The following FREM3 variants were observed in gnomAD, a reference collection of about 807,000 sequenced individuals.
FREM3 encodes the protein FRAS1-related extracellular matrix protein 3.
In FREM3, 105 loss-of-function variants were observed where a neutral mutation model predicts 129.1. That is an observed-to-expected ratio of 0.81 (90% confidence interval 0.69 to 0.96). The LOEUF is 0.96. Among genes scored for constraint, FREM3 ranks in the 40% least tolerant of loss-of-function variants. The probability of loss-of-function intolerance (pLI) is 0.00; values close to 1 mark genes in which losing one functional copy is unlikely to be tolerated. For synonymous variants in FREM3, 1,014 were observed against 1,044.9 expected, an observed-to-expected ratio of 0.97 and a Z score of 0.57; for missense variants, 2,593 against 2,666.3, an observed-to-expected ratio of 0.97 and a Z score of 0.61.
At chr4:143,688,880 A>G (rs573074636) in intron 2 of FREM3, among the ~76,000 whole-genome samples, 49 of 152,340 alleles carry the variant, frequency 3.2e-4, no homozygotes, top group African/African-American at 1.2e-3. Flanking sequence ...CCAACTCAAG[A>G]TGGATTAAGG....
At position 143,697,001 on chromosome 4, in the gene FREM3, T is replaced by A; in HGVS notation, c.3675A>T (p.Pro1225=). ...LLNGADADLP[P]NELHFQLTAL... ...CTGTGAGTTGAAAGTGGAGCTCATT[T>A]GGTGGCAGGTCAGCATCTGCTCCAT... The change falls in exon 1 of 8, where the codon CCA becomes CCT. Residue 1225 remains proline, a synonymous_variant. Coordinates refer to ENST00000329798, the MANE Select transcript of FREM3 (RefSeq NM_001168235.2). 1 of 1,537,674 alleles carries A rather than the reference T, an allele frequency of 6.5e-7. No individual in the cohort carries two copies. The highest frequency in any genetic ancestry group is 1.2e-5 in the South Asian group (1 of 84,062).
chr4:143,601,449 C>A (rs1738570598), intron 6 of FREM3, among the ~76,000 whole-genome samples: 1 of 152,154 alleles, frequency 6.6e-6, no homozygotes, highest in Non-Finnish European at 1.5e-5. Context: ...CTGGACATTT[C>A]TTTTTGTGGC....
chr4:143,628,297 A>G (rs887991137), intron 2 of FREM3, among the ~76,000 whole-genome samples: 1 of 152,166 alleles, frequency 6.6e-6, no homozygotes, highest in South Asian at 2.1e-4. Context: ...AAAACTACCC[A>G]TGAAGAGGAC....
In FREM3 at chr4:143,699,442, C is replaced by T. The variant is rs4478130; in HGVS notation, c.1234G>A (p.Asp412Asn). ...FQLELEVVDG[D>N]GAASDPFAFM... ...GCAAAGGGGTCTGAGGCGGCGCCGT[C>T]TCCGTCCACCACCTCCAGCTCCAGC... is the stretch of plus-strand genomic sequence containing the variant. The change falls in exon 1 of 8, where the codon GAC becomes AAC. Residue 412 changes from aspartate to asparagine, a missense_variant. Physicochemically the swap from Asp to Asn is conservative, Grantham distance 23 (BLOSUM62 1). Around this residue, in one of 2 missense-constraint regions of FREM3, gnomAD observed 2,276 missense variants for 2,267.2 expected, o/e 1.00. Coordinates refer to ENST00000329798, the MANE Select transcript of FREM3 (RefSeq NM_001168235.2). This position sits in a 1 kb window ranked among gnomAD's most constrained non-coding sequence, Gnocchi z 4.2. 32 of 1,537,198 alleles carry T rather than the reference C, an allele frequency of 2.1e-5. No homozygotes were observed. Among genetic ancestry groups the T allele is most frequent in the Non-Finnish European group, 2.8e-5 (32 of 1,146,936 alleles).
chr4:143,662,321 C>T (rs1739747453), intron 2 of FREM3, among the ~76,000 whole-genome samples: 1 of 152,076 alleles, frequency 6.6e-6, no homozygotes, highest in Non-Finnish European at 1.5e-5. Context: ...AGAACATCTT[C>T]ATTTCTGCCT....
chr4:143,595,046 G>T (rs1738442124), intron 6 of FREM3, among the ~76,000 whole-genome samples: 1 of 152,142 alleles, frequency 6.6e-6, no homozygotes. Context: ...AATATGACAA[G>T]GTCAGAAATT....
intron 4 of FREM3, among the ~76,000 whole-genome samples, chr4:143,623,895 A>G (rs1738999204): frequency 6.6e-6 from 1 of 152,212 alleles, no homozygotes; most frequent in African/African-American, 2.4e-5. Context: ...ATGCTGATAC[A>G]GATCCTCTCT....
intron 7 of FREM3, among the ~76,000 whole-genome samples, chr4:143,584,715 G>A (rs1254603130): frequency 2.0e-5 from 3 of 152,088 alleles, no homozygotes; most frequent in African/African-American, 7.2e-5. Flanking sequence ...GTATTAGACA[G>A]ACCATCAAGG....
rs190741257 is a variant in FREM3, at chr4:143,628,337, T to C, written c.5276-577A>G. Among the ~76,000 whole-genome samples, 287 of 152,264 alleles carry C rather than the reference T, an allele frequency of 1.9e-3. 1 individual carries two copies. The highest frequency in any genetic ancestry group is 2.9e-3 in the Non-Finnish European group (196 of 68,014). On this transcript the variant is annotated intron_variant, in intron 2 of 7. Coordinates refer to ENST00000329798, the MANE Select transcript of FREM3 (RefSeq NM_001168235.2). ...GACAAGGGATATAAGGGCTCTATCT[T>C]ATTTCCTCTTGTCCACACCGAGTCA...
rs143378106 is a variant in FREM3, at chr4:143,673,253, C to T, written c.5275+19860G>A. On this transcript the variant is annotated intron_variant, in intron 2 of 7. Coordinates refer to ENST00000329798, the MANE Select transcript of FREM3 (RefSeq NM_001168235.2). The stretch of plus-strand genomic sequence containing the variant: ...TACCTTTGGTCTTTGATGATGGTAA[C>T]GTACAGACGGGGTTTTGGTGTGGAT... 4.4e-3 allele frequency among the ~76,000 whole-genome samples: 677 copies of T among 152,292 alleles called. 4 individuals carry two copies. The highest frequency in any genetic ancestry group is 0.016 in the African/African-American group (655 of 41,552).
chr4:143,623,067 A>AAGGGAGGAT (rs2149841830), intron 4 of FREM3, among the ~76,000 whole-genome samples: 1 of 152,334 alleles, frequency 6.6e-6, no homozygotes, highest in Non-Finnish European at 1.5e-5. Context: ...CTACTTCTCA[A>AAGGGAGGAT]ATTATGTTTT....
rs1278731089 is a variant in FREM3, at chr4:143,697,089, A to T, written c.3587T>A (p.Leu1196His). ...TAGTACCTTAAACTCATGGGCAAAA[A>T]GTTTAGGCTGCTCATCATTGGTGGG... ...ILPTNDEQPK[L>H]FAHEFKVLEG... Residue 1196 changes from leucine (L) to histidine (H), a missense_variant, in exon 1 of 8, where the codon CTT becomes CAT. Leu to His is a moderately conservative substitution (Grantham distance 99). Around this residue, in one of 2 missense-constraint regions of FREM3, gnomAD observed 2,276 missense variants for 2,267.2 expected, o/e 1.00. Transcript: ENST00000329798. 1 of 1,537,778 alleles carries T rather than the reference A, an allele frequency of 6.5e-7. No individual in the cohort carries two copies. The highest frequency in any genetic ancestry group is 1.2e-5 in the South Asian group (1 of 84,058).
intron 7 of FREM3, among the ~76,000 whole-genome samples, chr4:143,583,584 C>T (rs1738185390): frequency 6.6e-6 from 1 of 151,904 alleles, no homozygotes. Flanking sequence ...CAAAGAGAAC[C>T]TCATCAGGCT....
chr4:143,672,646 T>C (rs562699912), intron 2 of FREM3, among the ~76,000 whole-genome samples: 6 of 152,372 alleles, frequency 3.9e-5, no homozygotes, highest in African/African-American at 1.4e-4. Flanking sequence ...CCTGTCTGGC[T>C]AGGTTGGGGA....
chr4:143,665,881 C>G (rs1213309720), intron 2 of FREM3, among the ~76,000 whole-genome samples: 1 of 152,024 alleles, frequency 6.6e-6, no homozygotes, highest in Non-Finnish European at 1.5e-5. Flanking sequence ...TCATAATTAC[C>G]CACTGAAATG....
chr4:143,590,909 T>C (rs1738348406), intron 6 of FREM3, among the ~76,000 whole-genome samples: 1 of 152,246 alleles, frequency 6.6e-6, no homozygotes, highest in South Asian at 2.1e-4. Context: ...ATTGCCTCAA[T>C]TTCAGATTCT....
In FREM3 at chr4:143,700,079, C is replaced by G. The variant is rs1381340245; in HGVS notation, c.597G>C (p.Lys199Asn). ...ACCTGCGGGTGGCCGTGGCTCCAGA[C>G]TTCAGGGAGGCGAAGTCCAGCACTC... ...DRRVLDFASLKSGATATRRCR... is the reference protein window; with the variant it reads ...DRRVLDFASLNSGATATRRCR... The change falls in exon 1 of 8, where the codon AAG becomes AAC. Residue 199 changes from lysine to asparagine, a missense_variant. Around this residue, in one of 2 missense-constraint regions of FREM3, gnomAD observed 2,276 missense variants for 2,267.2 expected, o/e 1.00. Transcript: ENST00000329798. 2.0e-6 allele frequency: 3 copies of G among 1,531,878 alleles called. No homozygotes were observed. The East Asian group carries it at 7.4e-5, about 38-fold the overall frequency. 94.9% of individuals were successfully genotyped at this position (1,531,878 alleles called of 1,614,324 possible). A position where few individuals can be genotyped will look rare whatever the true frequency, so the allele number is the denominator to read the frequency against.
intron 2 of FREM3, among the ~76,000 whole-genome samples, chr4:143,644,288 T>A (rs1269250598): frequency 6.6e-6 from 1 of 152,110 alleles, no homozygotes; most frequent in Non-Finnish European, 1.5e-5. Flanking sequence ...CTGCATCATC[T>A]TCCTATTTCT....
intron 6 of FREM3, among the ~76,000 whole-genome samples, chr4:143,589,191 G>T (rs916442990): frequency 5.9e-5 from 9 of 152,122 alleles, no homozygotes; most frequent in Non-Finnish European, 4.4e-5. Context: ...TCTGTAGGTT[G>T]CCTGTTCACT....
Sources: gnomAD v4.1 joint callset for allele counts (sites outside exome capture counted in the v4.1 genomes callset) on GRCh38, gnomAD v4.1.1 for gene constraint, gnomAD v4.1.1 regional missense constraint, Gnocchi (gnomAD v3.1) non-coding constraint, MANE v1.5 for transcripts, NCBI Gene and HGNC (gene_info 2026-07-23, HGNC 2026-07-21) for gene names.